Variants in LIX1 observed in about 807,000 individuals in gnomAD.
LIX1 encodes the protein protein limb expression 1 homolog.
Under a neutral mutation model 33.4 loss-of-function variants are expected in LIX1, and 24 were observed. That is an observed-to-expected ratio of 0.72 (90% confidence interval 0.52 to 1.01). The LOEUF (loss-of-function observed/expected upper bound fraction) is 1.01, where lower values mean the gene tolerates loss of function less well. LIX1 is among the 50% of genes least tolerant of loss of function. LIX1 has a pLI of 0.00. For synonymous variants in LIX1, 124 were observed against 124.0 expected (o/e 1.00, Z 0.00); for missense variants, 311 against 339.2 (o/e 0.92, Z 0.65).
At chr5:97,103,690 G>T (rs1246919366) in intron 4 of LIX1, among the ~76,000 whole-genome samples, 1 of 152,202 alleles carries the variant, frequency 6.6e-6, no homozygotes, top group African/African-American at 2.4e-5. Flanking sequence ...CTAAGGCCGG[G>T]CACGGTGGCT....
rs1746149925 is a variant in LIX1, at chr5:97,092,972, C to T, written c.*1776G>A. On this transcript the variant is annotated 3_prime_UTR_variant, in exon 6 of 6. Transcript: ENST00000274382. Reference sequence around the variant, plus strand: ...GGAATATAAGGGAATAAAGTTCTTTCGTGGGTGACATTTAGCCTCATTGTG... The same window carrying T: ...GGAATATAAGGGAATAAAGTTCTTTTGTGGGTGACATTTAGCCTCATTGTG... The T allele has an allele frequency of 1.3e-5, 2 of 152,196 alleles. No homozygotes were observed. The highest frequency in any genetic ancestry group is 4.1e-4 in the South Asian group (2 of 4,824). The allele number at this position is 152,196 out of a possible 1,614,324, so 9.4% of individuals were successfully genotyped here. A position where few individuals can be genotyped will look rare whatever the true frequency, so the allele number is the denominator to read the frequency against.
chr5:97,103,741 A>G (rs550345539), intron 4 of LIX1, among the ~76,000 whole-genome samples: 144 of 152,290 alleles, frequency 9.5e-4, no homozygotes, highest in South Asian at 1.9e-3. Context: ...CAAGGCGGGC[A>G]GATCACGAGG....
intron 2 of LIX1, 28 bp downstream of exon 2, chr5:97,124,438 C>A: frequency 6.4e-7 from 1 of 1,563,052 alleles, no homozygotes. Flanking sequence ...AATGAACTTT[C>A]ACTGACAAAT....
intron 4 of LIX1, among the ~76,000 whole-genome samples, chr5:97,102,681 AAGAAGGTTGAGTAGAGCCTT>A (rs1746773627): frequency 1.3e-5 from 2 of 152,176 alleles, no homozygotes; most frequent in African/African-American, 4.8e-5. Context: ...CTATTACTAA[AAGAAGGTTGAGTAGAGCCTT>A]TCATAGTACT....
chr5:97,126,709 G>A (rs553766732), intron 1 of LIX1, among the ~76,000 whole-genome samples: 37 of 143,414 alleles, frequency 2.6e-4, no homozygotes, highest in South Asian at 4.3e-4. Context: ...GCACGATCTC[G>A]GCTCATTGCA....
Position 97,107,413 on chromosome 5 carries a change from T to G in LIX1, c.334A>C (p.Ile112Leu). ...SLFNELPSRRITKEFIMESVQ... is the reference protein window; with the variant it reads ...SLFNELPSRRLTKEFIMESVQ... Reference sequence around the variant, plus strand: ...CTTTCCATAATGAATTCCTTGGTGATCCTGCGAGAGGGCAGCTCATTGAAG... The same window carrying G: ...CTTTCCATAATGAATTCCTTGGTGAGCCTGCGAGAGGGCAGCTCATTGAAG... Residue 112 changes from isoleucine to leucine, a missense_variant, in exon 3 of 6, where the codon ATC becomes CTC. By Grantham distance (5) the Ile-to-Leu change is conservative (BLOSUM62 2). Coordinates refer to ENST00000274382, the MANE Select transcript of LIX1 (RefSeq NM_153234.5). The G allele has an allele frequency of 6.2e-7, 1 of 1,612,794 alleles. No individual in the cohort carries two copies. The highest frequency in any genetic ancestry group is 8.5e-7 in the Non-Finnish European group (1 of 1,179,986).
chr5:97,142,001 T>C (rs951211188), intron 1 of LIX1, among the ~76,000 whole-genome samples: 3 of 152,214 alleles, frequency 2.0e-5, no homozygotes, highest in Non-Finnish European at 2.9e-5. Context: ...AGCATTATAA[T>C]CTGTTATCAA....
chr5:97,094,966 T>C lies in LIX1; in HGVS notation c.631A>G (p.Ile211Val). Residue 211 changes from isoleucine (I) to valine (V), a missense_variant, in exon 6 of 6, where the codon ATC (isoleucine) becomes GTC (valine). Ile to Val is a conservative substitution (Grantham distance 29). Coordinates refer to ENST00000274382, the MANE Select transcript of LIX1 (RefSeq NM_153234.5). Reference protein sequence around the residue: ...KMRSHMALDWIMKERDSPGIV... With the variant: ...KMRSHMALDWVMKERDSPGIV... ...CCTGGTGAGTCCCGCTCCTTCATGA[T>C]CCAGTCCAGGGCCATGTGGCTGCGC... is the stretch of plus-strand genomic sequence containing the variant. 5 of 1,614,170 alleles carry C rather than the reference T, an allele frequency of 3.1e-6. No individual in the cohort carries two copies. In the South Asian group the frequency reaches 5.5e-5, roughly 18 times the overall value.
At chr5:97,117,814 G>C (rs75358967) in intron 2 of LIX1, among the ~76,000 whole-genome samples, 1,956 of 152,132 alleles carry the variant, frequency 0.013, 139 homozygotes, top group Admixed American at 0.11. Context: ...TGAATTCATT[G>C]CCTTTTAGAG....
rs1347471766 is a variant in LIX1 at position 97,094,149 on chromosome 5, T to C, written c.*599A>G. On this transcript the variant is annotated 3_prime_UTR_variant, in exon 6 of 6. Transcript: ENST00000274382. The stretch of plus-strand genomic sequence containing the variant: ...ACAAAAACATTTTAAACATTAATTT[T>C]ATCTAGTATTTTCATACTATTACTA... 1.3e-5 allele frequency: 2 copies of C among 152,228 alleles called. No individual in the cohort carries two copies. The highest frequency in any genetic ancestry group is 1.5e-5 in the Non-Finnish European group (1 of 68,050). 9.4% of individuals were successfully genotyped at this position (152,228 alleles called of 1,614,324 possible).
At chr5:97,124,860 A>G (rs1747879545) in intron 1 of LIX1, among the ~76,000 whole-genome samples, 1 of 152,128 alleles carries the variant, frequency 6.6e-6, no homozygotes, top group Non-Finnish European at 1.5e-5. Context: ...ACAAATGCAA[A>G]TGTGTATATT....
chr5:97,115,081 T>A (rs1187607572), intron 2 of LIX1, among the ~76,000 whole-genome samples: 1 of 152,242 alleles, frequency 6.6e-6, no homozygotes, highest in East Asian at 1.9e-4. Context: ...ATTTCACTTC[T>A]CTGCTTAACA....
intron 4 of LIX1, among the ~76,000 whole-genome samples, chr5:97,103,579 C>T (rs192862611): frequency 6.6e-6 from 1 of 152,302 alleles, no homozygotes; most frequent in Non-Finnish European, 1.5e-5. Flanking sequence ...TGACATGTGC[C>T]CCATCCACTA....
intron 2 of LIX1, among the ~76,000 whole-genome samples, chr5:97,115,272 T>C (rs918475989): frequency 1.3e-5 from 2 of 152,240 alleles, no homozygotes; most frequent in South Asian, 2.1e-4. Context: ...ATGTATGTGT[T>C]ATAAATAGAA....
At chr5:97,132,408 G>T (rs112535993) in intron 1 of LIX1, among the ~76,000 whole-genome samples, 1 of 152,144 alleles carries the variant, frequency 6.6e-6, no homozygotes, top group Non-Finnish European at 1.5e-5. Flanking sequence ...GGCTGAAAAG[G>T]TCAGGAAAAA....
intron 3 of LIX1, among the ~76,000 whole-genome samples, chr5:97,106,624 G>T (rs1402411895): frequency 6.6e-6 from 1 of 152,134 alleles, no homozygotes; most frequent in African/African-American, 2.4e-5. Flanking sequence ...GGGGACTGAA[G>T]GCTTCTTTCT....
chr5:97,135,805 C>T (rs1383856576), intron 1 of LIX1, among the ~76,000 whole-genome samples: 1 of 151,588 alleles, frequency 6.6e-6, no homozygotes, highest in African/African-American at 2.4e-5. Flanking sequence ...GGTGACAGAG[C>T]GAGACTCTGT....
chr5:97,134,531 G>A (rs575973441), intron 1 of LIX1, among the ~76,000 whole-genome samples: 10 of 152,358 alleles, frequency 6.6e-5, no homozygotes, highest in Admixed American at 1.3e-4. Flanking sequence ...TTTAAATAAA[G>A]TTAATTAGTA....
At chr5:97,097,048 T>C (rs141453997) in intron 4 of LIX1, among the ~76,000 whole-genome samples, 161 bp from the exon 5 acceptor site, 1 of 152,332 alleles carries the variant, frequency 6.6e-6, no homozygotes, top group African/African-American at 2.4e-5. Flanking sequence ...CCAGGGCTTC[T>C]GGAACATTCT....
Sources: gnomAD v4.1 joint callset for allele counts (sites outside exome capture counted in the v4.1 genomes callset) on GRCh38, gnomAD v4.1.1 for gene constraint, MANE v1.5 for transcripts, NCBI Gene and HGNC (gene_info 2026-07-23, HGNC 2026-07-21) for gene names.